Variants in SSBP3 observed in about 807,000 individuals in gnomAD.
The protein encoded by SSBP3 is single-stranded DNA-binding protein 3.
A neutral mutation model predicts 69.6 loss-of-function variants in SSBP3; 5 were observed. The observed-to-expected ratio is 0.07, with a 90% CI of 0.04 to 0.15. The LOEUF (loss-of-function observed/expected upper bound fraction) is 0.15. Ranked by LOEUF, SSBP3 falls within the 10% of genes least tolerant of loss-of-function variation. The probability of loss-of-function intolerance (pLI) is 1.00; values close to 1 mark genes in which losing one functional copy is unlikely to be tolerated. For missense variants in SSBP3, 312 were observed against 534.0 expected (o/e 0.58, Z 4.10); for synonymous variants, 196 against 193.4 (o/e 1.01, Z -0.11).
chr1:54,363,531 C>A (rs1462000298), intron 4 of SSBP3, among the ~76,000 whole-genome samples: 1 of 152,096 alleles, frequency 6.6e-6, no homozygotes, highest in Non-Finnish European at 1.5e-5. Flanking sequence ...ACTCTACGCC[C>A]CTTACTCTCA....
chr1:54,338,205 C>G (rs1482168208), intron 4 of SSBP3, among the ~76,000 whole-genome samples: 2 of 152,240 alleles, frequency 1.3e-5, no homozygotes, highest in Non-Finnish European at 2.9e-5. Context: ...TTCACAGCCT[C>G]GGTGCCCCTA....
chr1:54,395,574 G>A (rs933011693), intron 4 of SSBP3, among the ~76,000 whole-genome samples: 1 of 152,132 alleles, frequency 6.6e-6, no homozygotes, highest in Admixed American at 6.5e-5. Flanking sequence ...CAGCAGGGAC[G>A]GGCGGTGGGG....
chr1:54,288,182 C>T (rs2100922371), intron 4 of SSBP3, among the ~76,000 whole-genome samples: 1 of 152,282 alleles, frequency 6.6e-6, no homozygotes, highest in Non-Finnish European at 1.5e-5. Context: ...ATAGGACCCA[C>T]CACCGCCTGG....
chr1:54,282,447 T>C (rs1557492794), intron 4 of SSBP3, among the ~76,000 whole-genome samples: 1 of 152,116 alleles, frequency 6.6e-6, no homozygotes, highest in East Asian at 1.9e-4. Context: ...CCTCGCGAAG[T>C]GGGGGGACCG....
intron 4 of SSBP3, chr1:54,287,336 G>C (rs959133340): frequency 6.6e-6 from 1 of 152,230 alleles, no homozygotes; most frequent in Non-Finnish European, 1.5e-5. Context: ...GCAGCAGCTT[G>C]GGGGCCACAT....
chr1:54,239,663 G>A (rs1341797289), intron 13 of SSBP3, among the ~76,000 whole-genome samples: 1 of 152,202 alleles, frequency 6.6e-6, no homozygotes, highest in Non-Finnish European at 1.5e-5. Flanking sequence ...GGATGGGGCT[G>A]GAAACGCATT....
intron 4 of SSBP3, among the ~76,000 whole-genome samples, chr1:54,395,821 A>G (rs552327636): frequency 5.3e-5 from 8 of 152,190 alleles, no homozygotes; most frequent in African/African-American, 1.9e-4. Context: ...TAAAATCCAG[A>G]GGATTCAAAA....
intron 4 of SSBP3, among the ~76,000 whole-genome samples, chr1:54,383,549 T>C (rs993277264): frequency 6.6e-6 from 1 of 152,204 alleles, no homozygotes; most frequent in African/African-American, 2.4e-5. Context: ...TTGTTTATCC[T>C]TGGCTAAGCA....
At chr1:54,293,044 A>G (rs1645636689) in intron 4 of SSBP3, among the ~76,000 whole-genome samples, 1 of 152,056 alleles carries the variant, frequency 6.6e-6, no homozygotes, top group African/African-American at 2.4e-5. Context: ...CCAAGAACCA[A>G]CCTGCTTCTG....
At chr1:54,384,861 T>C (rs775680247) in intron 4 of SSBP3, among the ~76,000 whole-genome samples, 1 of 152,226 alleles carries the variant, frequency 6.6e-6, no homozygotes, top group Non-Finnish European at 1.5e-5. Context: ...CCTCTCCCCA[T>C]TGACCACCTT....
At chr1:54,348,183 C>T (rs1386134063) in intron 4 of SSBP3, among the ~76,000 whole-genome samples, 1 of 129,682 alleles carries the variant, frequency 7.7e-6, no homozygotes, top group Non-Finnish European at 1.5e-5. Context: ...AGTCCGCCAA[C>T]TGAGAACCGC....
At chr1:54,411,172 T>C (rs1474809073), upstream of SSBP3, among the ~76,000 whole-genome samples, 1 of 152,164 alleles carries the variant, frequency 6.6e-6, no homozygotes, top group Non-Finnish European at 1.5e-5. Context: ...TCCTACCTAT[T>C]TCCTTCATAA....
rs527563306 is a variant in SSBP3 at position 54,330,216 on chromosome 1, G to A, written c.277-48689C>T. 5.9e-5 allele frequency among the ~76,000 whole-genome samples: 9 copies of A among 152,240 alleles called. No homozygotes were observed. In the South Asian group the frequency reaches 1.2e-3, roughly 21 times the overall value. On this transcript the variant is annotated intron_variant, in intron 4 of 17. Coordinates refer to ENST00000610401, the Ensembl canonical transcript of SSBP3. ...AAATCTGGGCCAAACTGAAAAAAAC[G>A]CAAACATCAATCAACGTGATTACCA...
intron 5 of SSBP3, among the ~76,000 whole-genome samples, chr1:54,279,627 A>ACATCTGCACTGTCTCAAGAACATCCATGG (rs1557489667): frequency 7.2e-5 from 11 of 152,240 alleles, no homozygotes; most frequent in Admixed American, 6.5e-5. Context: ...CACGGAAGCC[A>ACATCTGCACTGTCTCAAGAACATCCATGG]CATCTGCACT....
At chr1:54,297,988 T>C (rs1163710034) in intron 4 of SSBP3, among the ~76,000 whole-genome samples, 2 of 152,044 alleles carry the variant, frequency 1.3e-5, no homozygotes, top group African/African-American at 4.8e-5. Flanking sequence ...GGGAAACAGA[T>C]CCCAGGTTCT....
At chr1:54,283,458 CACTCGG>C (rs1645433188) in intron 4 of SSBP3, among the ~76,000 whole-genome samples, 1 of 152,198 alleles carries the variant, frequency 6.6e-6, no homozygotes, top group African/African-American at 2.4e-5. Context: ...GTGGGCAAGC[CACTCGG>C]ACTTTCTGAA....
At chr1:54,259,791 C>A (rs571435339) in intron 5 of SSBP3, among the ~76,000 whole-genome samples, 16 of 152,310 alleles carry the variant, frequency 1.1e-4, no homozygotes, top group Non-Finnish European at 2.1e-4. Context: ...AGTTTCTTGG[C>A]CAAGCGAGGA....
intron 4 of SSBP3, among the ~76,000 whole-genome samples, chr1:54,351,349 C>T (rs1646777900): frequency 6.6e-6 from 1 of 152,108 alleles, no homozygotes; most frequent in South Asian, 2.1e-4. Flanking sequence ...AAAATGGCAG[C>T]AATTATACCC....
intron 4 of SSBP3, chr1:54,335,921 G>C (rs1646499582): frequency 6.6e-6 from 1 of 152,304 alleles, no homozygotes; most frequent in African/African-American, 2.4e-5. Context: ...AGTCTCGCAA[G>C]GGAGGATTAA....
Sources: gnomAD v4.1 joint callset for allele counts (sites outside exome capture counted in the v4.1 genomes callset) on GRCh38, gnomAD v4.1.1 for gene constraint, MANE v1.5 for transcripts, NCBI Gene and HGNC (gene_info 2026-07-23, HGNC 2026-07-21) for gene names.